GRIP1: variants seen among roughly 807,000 people sequenced by gnomAD.
The protein encoded by GRIP1 is glutamate receptor-interacting protein 1.
In GRIP1, 45 loss-of-function variants were observed where a neutral mutation model predicts 129.9. That is an observed-to-expected ratio of 0.35 (90% confidence interval 0.27 to 0.44). The LOEUF (loss-of-function observed/expected upper bound fraction) is 0.44. Among genes scored for constraint, GRIP1 ranks in the 20% least tolerant of loss-of-function variants. The pLI is 1.00. For missense variants in GRIP1, 1,196 were observed against 1,396.8 expected (o/e 0.86, Z 2.29); for synonymous variants, 530 against 520.8 (o/e 1.02, Z -0.24).
chr12:67,000,109 G>A (rs189577126), intron 1 of GRIP1, among the ~76,000 whole-genome samples: 3 of 152,098 alleles, frequency 2.0e-5, no homozygotes, highest in East Asian at 1.9e-4. Flanking sequence ...TTGTCACCTC[G>A]AACTAGGCAA....
chr12:66,870,633 T>C (rs1352897774), intron 1 of GRIP1, among the ~76,000 whole-genome samples: 7 of 152,148 alleles, frequency 4.6e-5, no homozygotes, highest in Non-Finnish European at 1.0e-4. Flanking sequence ...TTGTGTGAAC[T>C]TCGCCAAATT....
chr12:67,062,849 T>C (rs1392015474), intron 1 of GRIP1, among the ~76,000 whole-genome samples: 3 of 152,356 alleles, frequency 2.0e-5, no homozygotes, highest in South Asian at 2.1e-4. Context: ...TCAAGTTCTA[T>C]GTTTCAGTGT....
At chr12:66,410,446 A>G (rs759051719) in intron 15 of GRIP1, among the ~76,000 whole-genome samples, 4 of 148,294 alleles carry the variant, frequency 2.7e-5, no homozygotes, top group Non-Finnish European at 5.9e-5. Context: ...AGCCTGGCCA[A>G]CATGGTGAAA....
chr12:66,949,760 C>CTTTTTTTT (rs781123585), intron 1 of GRIP1, among the ~76,000 whole-genome samples: 11 of 85,468 alleles, frequency 1.3e-4, no homozygotes, highest in Non-Finnish European at 1.8e-4. Context: ...CATGCTCCTC[C>CTTTTTTTT]TTTTTTTTTT....
chr12:66,365,963 G>C (rs1189577322), intron 23 of GRIP1, among the ~76,000 whole-genome samples: 1 of 152,236 alleles, frequency 6.6e-6, no homozygotes, highest in Non-Finnish European at 1.5e-5. Context: ...GCTCATGGAA[G>C]TGGCATGGCT....
At chr12:66,668,526 A>C (rs918161270) in intron 1 of GRIP1, among the ~76,000 whole-genome samples, 18 of 152,174 alleles carry the variant, frequency 1.2e-4, no homozygotes, top group African/African-American at 4.3e-4. Context: ...GACAGCCTTG[A>C]GCAGGCTTTG....
intron 1 of GRIP1, among the ~76,000 whole-genome samples, chr12:66,972,930 G>C (rs563258340): frequency 5.9e-5 from 9 of 152,264 alleles, no homozygotes; most frequent in African/African-American, 2.2e-4. Flanking sequence ...CCCCCAAACA[G>C]GGTCCGGGGT....
intron 1 of GRIP1, among the ~76,000 whole-genome samples, chr12:66,740,383 G>A (rs1409394724): frequency 6.6e-6 from 1 of 152,184 alleles, no homozygotes; most frequent in Non-Finnish European, 1.5e-5. Flanking sequence ...GTCAGCATCA[G>A]CATCAGTGTA....
intron 1 of GRIP1, among the ~76,000 whole-genome samples, chr12:67,013,758 A>G (rs1198530277): frequency 5.3e-5 from 8 of 152,166 alleles, no homozygotes; most frequent in Non-Finnish European, 7.4e-5. Flanking sequence ...TGTAGCAGCC[A>G]TTTTATCTGG....
intron 1 of GRIP1, among the ~76,000 whole-genome samples, chr12:67,027,339 ATAGT>A (rs998815471): frequency 1.3e-5 from 2 of 152,184 alleles, no homozygotes; most frequent in Admixed American, 6.5e-5. Flanking sequence ...CTGGCTTGTG[ATAGT>A]TGTCTGTGCA....
intron 1 of GRIP1, among the ~76,000 whole-genome samples, chr12:66,976,379 A>G (rs1417030260): frequency 6.6e-6 from 1 of 152,204 alleles, no homozygotes; most frequent in African/African-American, 2.4e-5. Context: ...TTTTTCTGTT[A>G]GAAAGCTGGT....
intron 1 of GRIP1, among the ~76,000 whole-genome samples, chr12:66,897,779 A>G (rs753276791): frequency 6.6e-6 from 1 of 152,190 alleles, no homozygotes; most frequent in Non-Finnish European, 1.5e-5. Flanking sequence ...TTTTACTGTG[A>G]TTTTGAAATA....
chr12:66,476,230 A>G (rs2059605167), intron 7 of GRIP1, among the ~76,000 whole-genome samples: 1 of 152,232 alleles, frequency 6.6e-6, no homozygotes, highest in African/African-American at 2.4e-5. Flanking sequence ...AGAGAATACT[A>G]TAAACACCTC....
At chr12:66,988,155 A>G (rs2135627342) in intron 1 of GRIP1, among the ~76,000 whole-genome samples, 1 of 152,296 alleles carries the variant, frequency 6.6e-6, no homozygotes, top group Middle Eastern at 3.4e-3. Context: ...TCCAAACAAT[A>G]ATCTTTCTTG....
At chr12:66,735,287 A>G (rs1352689751) in intron 1 of GRIP1, among the ~76,000 whole-genome samples, 2 of 152,230 alleles carry the variant, frequency 1.3e-5, no homozygotes, top group African/African-American at 4.8e-5. Flanking sequence ...TCATAGAGAA[A>G]GTAAAAATAT....
At chr12:66,685,414 T>C (rs972490191) in intron 1 of GRIP1, among the ~76,000 whole-genome samples, 2 of 152,148 alleles carry the variant, frequency 1.3e-5, no homozygotes, top group Non-Finnish European at 2.9e-5. Context: ...GTCAGATACT[T>C]TGACCAACAA....
intron 1 of GRIP1, among the ~76,000 whole-genome samples, chr12:66,797,190 C>CA (rs1390394701): frequency 2.0e-5 from 3 of 152,172 alleles, no homozygotes; most frequent in Non-Finnish European, 4.4e-5. Flanking sequence ...GGTGAATGAT[C>CA]TGGTGAGAGG....
intron 1 of GRIP1, among the ~76,000 whole-genome samples, chr12:67,053,761 C>A (rs945926352): frequency 4.0e-5 from 6 of 151,698 alleles, no homozygotes; most frequent in Non-Finnish European, 8.8e-5. Flanking sequence ...TCACTTGAAC[C>A]TGGGAAGTGG....
At chr12:66,548,879 C>T (rs1260953387) in intron 2 of GRIP1, among the ~76,000 whole-genome samples, 1 of 152,124 alleles carries the variant, frequency 6.6e-6, no homozygotes, top group Non-Finnish European at 1.5e-5. Flanking sequence ...TCTTAAAATA[C>T]TTTTCATCAC....
Sources: allele counts gnomAD v4.1 joint callset (sites outside exome capture counted in the v4.1 genomes callset), GRCh38; gene constraint gnomAD v4.1.1; transcripts MANE v1.5; gene names NCBI Gene and HGNC (gene_info 2026-07-23, HGNC 2026-07-21).